The following DUSP6 variants were observed in gnomAD, a reference collection of about 807,000 sequenced individuals.
The protein encoded by DUSP6 is dual specificity phosphatase 6, also known as dual specificity protein phosphatase 6.
DUSP6 carries 6 observed loss-of-function variants against 28.0 expected under a neutral mutation model. The observed-to-expected ratio is 0.21, with a 90% CI of 0.12 to 0.42. DUSP6 has a LOEUF of 0.42. Ranked by LOEUF, DUSP6 falls within the 10% of genes least tolerant of loss-of-function variation. The pLI, the probability that DUSP6 is intolerant of heterozygous loss-of-function variation, is 1.00. For missense variants in DUSP6, 451 were observed against 498.1 expected (o/e 0.91, Z 0.90); for synonymous variants, 252 against 217.5 (o/e 1.16, Z -1.40).
chr12:89,351,053 A>G, intron 1 of DUSP6, 28 bp from the exon 2 acceptor site: 2 of 1,546,652 alleles, frequency 1.3e-6, no homozygotes, highest in Non-Finnish European at 1.7e-6. Flanking sequence ...GCAATCATCT[A>G]ACCTGAGAAG....
intron 2 of DUSP6, among the ~76,000 whole-genome samples, chr12:89,350,259 C>T (rs578195845): frequency 7.5e-4 from 114 of 152,336 alleles, no homozygotes; most frequent in Non-Finnish European, 1.2e-3. Flanking sequence ...GAATTCCTGT[C>T]TATAGTGAGT....
At chr12:89,350,134 C>A (rs1879130367) in intron 2 of DUSP6, among the ~76,000 whole-genome samples, 1 of 152,230 alleles carries the variant, frequency 6.6e-6, no homozygotes. Flanking sequence ...CTCACTGTTA[C>A]CAGTATCACC....
chr12:89,350,467 C>T (rs1192469444), intron 2 of DUSP6, 121 bp downstream of exon 2: 2 of 1,004,622 alleles, frequency 2.0e-6, no homozygotes, highest in East Asian at 2.5e-5. Context: ...GCTCTAGGAA[C>T]ATTAGAGACC....
chr12:89,351,620 G>A lies in DUSP6; in HGVS notation c.400+20C>T. 6.3e-7 allele frequency: 1 copy of A among 1,580,632 alleles called. No homozygotes were observed. The highest frequency in any genetic ancestry group is 8.6e-7 in the Non-Finnish European group (1 of 1,161,354). ...GCGCCCCTAGCCCTGCCCCGCGCGC[G>A]GAGTTCCCTGGGCGCGTACCTTCCA... On this transcript the variant is annotated intron_variant, in intron 1 of 2. Transcript: ENST00000279488.
chr12:89,349,616 G>A (rs1879111594), intron 2 of DUSP6, 55 bp from the exon 3 acceptor site: 1 of 1,385,100 alleles, frequency 7.2e-7, no homozygotes, highest in Non-Finnish European at 1.0e-6. Flanking sequence ...CACCCTTTGT[G>A]AATGATCAGT....
Position 89,349,238 on chromosome 12 carries a change from A to G in DUSP6, c.*16T>C, listed in dbSNP as rs1176515649. 1.3e-6 allele frequency: 2 copies of G among 1,594,892 alleles called. No individual in the cohort carries two copies. The highest frequency in any genetic ancestry group is 1.7e-6 in the Non-Finnish European group (2 of 1,166,596). On this transcript the variant is annotated 3_prime_UTR_variant, in exon 3 of 3. Transcript: ENST00000279488. ...AAGGGCCAGACACATTCCAGCAAGGAGGGGTGTGGGGTCTTTCACGTAGAT... is the reference window on the plus strand; with the variant it reads ...AAGGGCCAGACACATTCCAGCAAGGGGGGGTGTGGGGTCTTTCACGTAGAT...
chr12:89,351,938 C>A lies in DUSP6; in HGVS notation c.102G>T (p.Leu34=), dbSNP rs1422201069. The change falls in exon 1 of 3, where the codon CTG becomes CTT. Residue 34 remains leucine, a synonymous_variant. Coordinates refer to ENST00000279488, the MANE Select transcript of DUSP6 (RefSeq NM_001946.4). The stretch of plus-strand genomic sequence containing the variant: ...CCTGCGGCCGGCAGTCCATCAGCAG[C>A]AGCCGCTCGTTGCCCAGCTCCAGCT... ...NEQLELGNER[L]LLMDCRPQEL... 6.2e-7 allele frequency: 1 copy of A among 1,612,974 alleles called. No homozygotes were observed. The highest frequency in any genetic ancestry group is 1.3e-5 in the African/African-American group (1 of 75,070).
rs1592768523 is a variant in DUSP6 at position 89,352,405 on chromosome 12, C to T, written c.-366G>A. 1 of 233,832 alleles carries T rather than the reference C, an allele frequency of 4.3e-6. No homozygotes were observed. Among genetic ancestry groups the T allele is most frequent in the East Asian group, 9.2e-5 (1 of 10,852 alleles). The allele number at this position is 233,832 out of a possible 1,614,324, so 14.5% of individuals were successfully genotyped here. A position where few individuals can be genotyped will look rare whatever the true frequency, so the allele number is the denominator to read the frequency against. On this transcript the variant is annotated 5_prime_UTR_variant, in exon 1 of 3. Coordinates refer to ENST00000279488, the MANE Select transcript of DUSP6 (RefSeq NM_001946.4). ...CCTCCAAGGCTGCACCTCAAATCTA[C>T]CCGGGCGTCTTTCTCCCCGGATTAT...
rs961448955 is a variant in DUSP6, at chr12:89,352,270, T to C, written c.-231A>G. The C allele has an allele frequency of 1.0e-5, 6 of 599,202 alleles. No homozygotes were observed. The highest frequency in any genetic ancestry group is 1.7e-5 in the Non-Finnish European group (6 of 344,374). 37.1% of individuals were successfully genotyped at this position (599,202 alleles called of 1,614,324 possible). On this transcript the variant is annotated 5_prime_UTR_variant, in exon 1 of 3. Transcript: ENST00000279488. ...CTTAGTGTCAATGAATCTCTCTCAATGAAGCTGCCCAGATAGTTTTTGTTC... is the reference window on the plus strand; with the variant it reads ...CTTAGTGTCAATGAATCTCTCTCAACGAAGCTGCCCAGATAGTTTTTGTTC...
In DUSP6 at chr12:89,347,882, G is replaced by A. The variant is rs1053732942; in HGVS notation, c.*1372C>T. 2 of 152,166 alleles carry A rather than the reference G, an allele frequency of 1.3e-5. No homozygotes were observed. The highest frequency in any genetic ancestry group is 4.8e-5 in the African/African-American group (2 of 41,432). 9.4% of individuals were successfully genotyped at this position (152,166 alleles called of 1,614,324 possible). Reference sequence around the variant, plus strand: ...CGGTACAGTCGGTCCATTCTAGGATGTCATCTTTATTCGTGGCAAACGATG... The same window carrying A: ...CGGTACAGTCGGTCCATTCTAGGATATCATCTTTATTCGTGGCAAACGATG... On this transcript the variant is annotated 3_prime_UTR_variant, in exon 3 of 3. Transcript: ENST00000279488.
chr12:89,352,419 T>C lies in DUSP6; in HGVS notation c.-380A>G, dbSNP rs1248751365. The C allele has an allele frequency of 4.6e-6, 1 of 219,122 alleles. No homozygotes were observed. The highest frequency in any genetic ancestry group is 1.0e-4 in the East Asian group (1 of 9,842). 13.6% of individuals were successfully genotyped at this position (219,122 alleles called of 1,614,324 possible). ...CCTCAAATCTACCCGGGCGTCTTTC[T>C]CCCCGGATTATTTAAGACTCGATTT... On this transcript the variant is annotated 5_prime_UTR_variant, in exon 1 of 3. Coordinates refer to ENST00000279488, the MANE Select transcript of DUSP6 (RefSeq NM_001946.4).
chr12:89,349,271 AGTCCACCTG>A lies in DUSP6; in HGVS notation c.1120_1128del (p.Gln374_Asp376del), dbSNP rs762098246. ...GGGGTCTTTCACGTAGATTGCAGAG[AGTCCACCTG>A]GTATACATTCTGGTTGGAAGGGGTG... is the stretch of plus-strand genomic sequence containing the variant. On this transcript the variant is annotated inframe_deletion, in exon 3 of 3. Coordinates refer to ENST00000279488, the MANE Select transcript of DUSP6 (RefSeq NM_001946.4). 1 of 1,611,186 alleles carries A rather than the reference AGTCCACCTG, an allele frequency of 6.2e-7. No homozygotes were observed. The highest frequency in any genetic ancestry group is 1.1e-5 in the South Asian group (1 of 91,038).
chr12:89,349,127 CTAG>C lies in DUSP6; in HGVS notation c.*124_*126del, dbSNP rs1879089925. On this transcript the variant is annotated 3_prime_UTR_variant, in exon 3 of 3. Coordinates refer to ENST00000279488, the MANE Select transcript of DUSP6 (RefSeq NM_001946.4). ...CCAATTCCGCACTTGGTAACCTTGT[CTAG>C]TACAGACAGCTGGTGTCATTTTGAC... The C allele has an allele frequency of 9.8e-7, 1 of 1,021,586 alleles. No individual in the cohort carries two copies. The highest frequency in any genetic ancestry group is 1.4e-6 in the Non-Finnish European group (1 of 700,352). The allele number at this position is 1,021,586 out of a possible 1,614,324, so 63.3% of individuals were successfully genotyped here.
intron 1 of DUSP6, 151 bp downstream of exon 1, chr12:89,351,489 G>A: frequency 7.7e-7 from 1 of 1,302,952 alleles, no homozygotes; most frequent in Admixed American, 2.9e-5. Context: ...GCGGTTCGCG[G>A]CCCCTACCTC....
Position 89,349,049 on chromosome 12 carries a change from A to G in DUSP6, c.*205T>C, listed in dbSNP as rs987658183. ...GCAAACCTACTGCCTGTATCTATAC[A>G]GCATGTCCTGTTATTCCAAAGAGAA... On this transcript the variant is annotated 3_prime_UTR_variant, in exon 3 of 3. Transcript: ENST00000279488. 2 of 597,474 alleles carry G rather than the reference A, an allele frequency of 3.3e-6. No homozygotes were observed. The highest frequency in any genetic ancestry group is 3.7e-5 in the African/African-American group (2 of 53,852). 37.0% of individuals were successfully genotyped at this position (597,474 alleles called of 1,614,324 possible).
At position 89,348,657 on chromosome 12, in the gene DUSP6, C is replaced by T. The variant is rs1027521210; in HGVS notation, c.*597G>A. ...TTGTTCTGTTTTAAGAAGTGGCATACTGCTCTTTCTCCCTTTGGATAATTT... is the reference window on the plus strand; with the variant it reads ...TTGTTCTGTTTTAAGAAGTGGCATATTGCTCTTTCTCCCTTTGGATAATTT... On this transcript the variant is annotated 3_prime_UTR_variant, in exon 3 of 3. Coordinates refer to ENST00000279488, the MANE Select transcript of DUSP6 (RefSeq NM_001946.4). 2 of 152,702 alleles carry T rather than the reference C, an allele frequency of 1.3e-5. No homozygotes were observed. Among genetic ancestry groups the T allele is most frequent in the Non-Finnish European group, 2.9e-5 (2 of 68,078 alleles). 9.5% of individuals were successfully genotyped at this position (152,702 alleles called of 1,614,324 possible).
At chr12:89,351,502 C>T in intron 1 of DUSP6, 138 bp downstream of exon 1, 1 of 1,378,460 alleles carries the variant, frequency 7.3e-7, no homozygotes, top group East Asian at 2.6e-5. Context: ...CCTACCTCGC[C>T]GGCTGCCGGT....
chr12:89,352,479 C>A lies in DUSP6; in HGVS notation c.-440G>T, dbSNP rs543062381. 1 of 172,000 alleles carries A rather than the reference C, an allele frequency of 5.8e-6. No individual in the cohort carries two copies. The highest frequency in any genetic ancestry group is 5.5e-5 in the Admixed American group (1 of 18,238). The allele number at this position is 172,000 out of a possible 1,614,324, so 10.7% of individuals were successfully genotyped here. A position where few individuals can be genotyped will look rare whatever the true frequency, so the allele number is the denominator to read the frequency against. On this transcript the variant is annotated 5_prime_UTR_variant, in exon 1 of 3. Transcript: ENST00000279488. ...TGGACTCAGCCTCGCACACCCCCTG[C>A]GCGAGGCAGCTCCTCAATGGATACA...
At chr12:89,351,503 G>C in intron 1 of DUSP6, 137 bp downstream of exon 1, 1 of 1,379,434 alleles carries the variant, frequency 7.2e-7, no homozygotes, top group Non-Finnish European at 9.5e-7. Flanking sequence ...CTACCTCGCC[G>C]GCTGCCGGTC....
Sources: allele counts gnomAD v4.1 joint callset (sites outside exome capture counted in the v4.1 genomes callset), GRCh38; gene constraint gnomAD v4.1.1; transcripts MANE v1.5; gene names NCBI Gene and HGNC (gene_info 2026-07-23, HGNC 2026-07-21).